The following CHODL variants were observed in gnomAD, a reference collection of about 807,000 sequenced individuals.
CHODL encodes transmembrane protein MT75.
A neutral mutation model predicts 34.5 loss-of-function variants in CHODL; 29 were observed. The ratio of observed to expected loss-of-function variants is 0.84; its 90% CI spans 0.63 to 1.15. The LOEUF (loss-of-function observed/expected upper bound fraction) is 1.15, where lower values mean the gene tolerates loss of function less well. Ranked by LOEUF, CHODL falls within the 50% of genes most tolerant of loss-of-function variation. The probability of loss-of-function intolerance (pLI) is 0.00; values close to 1 mark genes in which losing one functional copy is unlikely to be tolerated. For missense variants in CHODL, 332 were observed against 332.5 expected (o/e 1.00, Z 0.01); for synonymous variants, 125 against 116.1 (o/e 1.08, Z -0.49).
chr21:18,213,194 T>C (rs906880638), intron 2 of CHODL, among the ~76,000 whole-genome samples: 11 of 152,168 alleles, frequency 7.2e-5, no homozygotes, highest in African/African-American at 2.4e-4. Context: ...TAGTCAGCTT[T>C]ACTGGTTTAG....
rs955445752 is a variant in CHODL, at chr21:18,267,277, G to T, written c.*1239G>T. The T allele has an allele frequency of 3.9e-5, 6 of 152,084 alleles. No homozygotes were observed. The highest frequency in any genetic ancestry group is 1.4e-4 in the African/African-American group (6 of 41,408). The allele number at this position is 152,084 out of a possible 1,614,324, so 9.4% of individuals were successfully genotyped here. A position where few individuals can be genotyped will look rare whatever the true frequency, so the allele number is the denominator to read the frequency against. The stretch of plus-strand genomic sequence containing the variant: ...ATCTCCTAGTTTCTTCAATGCTTAC[G>T]CCTTGTTCTTCTCAAGAGAAAGTTG... On this transcript the variant is annotated 3_prime_UTR_variant, in exon 6 of 6. Transcript: ENST00000299295.
chr21:18,046,120 A>T (rs1182596129), intron 2 of CHODL, among the ~76,000 whole-genome samples: 1 of 151,996 alleles, frequency 6.6e-6, no homozygotes, highest in African/African-American at 2.4e-5. Flanking sequence ...AAAGGGGGTC[A>T]GTGTGAGTAA....
chr21:18,004,176 A>C (rs2063938008), intron 1 of CHODL, among the ~76,000 whole-genome samples: 1 of 152,162 alleles, frequency 6.6e-6, no homozygotes, highest in African/African-American at 2.4e-5. Flanking sequence ...AATGGGTAAA[A>C]ATTTTGTTTT....
intron 1 of CHODL, among the ~76,000 whole-genome samples, chr21:17,924,445 CA>C (rs1189413065): frequency 3.3e-5 from 5 of 152,200 alleles, no homozygotes; most frequent in Non-Finnish European, 7.3e-5. Flanking sequence ...TGTGAGATCA[CA>C]ACTGTGTCAC....
Position 18,025,294 on chromosome 21 carries a change from C to A in CHODL, c.-144-2578C>A, listed in dbSNP as rs189894873. ...CTAGCTTAACCTTATATATTAAACA[C>A]ATTAAACAATGTTAGTGGTATAAAA... On this transcript the variant is annotated intron_variant, in intron 1 of 6. Coordinates refer to the CHODL transcript ENST00000400127. 3.7e-3 allele frequency among the ~76,000 whole-genome samples: 564 copies of A among 152,284 alleles called. 3 individuals carry two copies. Among genetic ancestry groups the A allele is most frequent in the South Asian group, 0.018 (87 of 4,828 alleles).
intron 2 of CHODL, among the ~76,000 whole-genome samples, chr21:18,032,640 A>G (rs2064260912): frequency 6.6e-6 from 1 of 152,086 alleles, no homozygotes. Flanking sequence ...TACTGGAGCA[A>G]ATCAATGTAC....
intron 2 of CHODL, among the ~76,000 whole-genome samples, chr21:18,125,922 C>T (rs931089774): frequency 6.6e-5 from 10 of 152,156 alleles, no homozygotes; most frequent in African/African-American, 2.4e-4. Flanking sequence ...ATTTCCAATA[C>T]AGGTAAAATG....
chr21:18,213,820 G>A (rs2073796786), intron 2 of CHODL, among the ~76,000 whole-genome samples: 1 of 152,038 alleles, frequency 6.6e-6, no homozygotes, highest in African/African-American at 2.4e-5. Flanking sequence ...CCAGCAAATA[G>A]GAAATGAGTC....
intron 2 of CHODL, among the ~76,000 whole-genome samples, chr21:18,076,816 G>A (rs1162460881): frequency 6.6e-6 from 1 of 152,204 alleles, no homozygotes; most frequent in Non-Finnish European, 1.5e-5. Context: ...GATTCATGGG[G>A]CCAGGGCCAC....
At chr21:18,068,428 C>T (rs1201683824) in intron 2 of CHODL, among the ~76,000 whole-genome samples, 1 of 152,160 alleles carries the variant, frequency 6.6e-6, no homozygotes, top group Non-Finnish European at 1.5e-5. Flanking sequence ...AACTCCTGAT[C>T]TCAGGTGATC....
rs1025876092 is a variant in CHODL, at chr21:18,144,840, G to A, written c.-44-111669G>A. Among the ~76,000 whole-genome samples, 5 of 150,426 alleles carry A rather than the reference G, an allele frequency of 3.3e-5. No individual in the cohort carries two copies. The Admixed American group carries it at 3.3e-4, about 10-fold the overall frequency. On this transcript the variant is annotated intron_variant, in intron 2 of 6. Coordinates refer to the CHODL transcript ENST00000400127. Reference sequence around the variant, plus strand: ...AGTAAATACTGATAAATTCTATAAGGTAAACATGAAAAGCCTTAAAGAAAG... The same window carrying A: ...AGTAAATACTGATAAATTCTATAAGATAAACATGAAAAGCCTTAAAGAAAG...
At chr21:18,264,601 C>CAAAAAA (rs564344974) in intron 5 of CHODL, among the ~76,000 whole-genome samples, 1 of 68,832 alleles carries the variant, frequency 1.5e-5, no homozygotes, top group Non-Finnish European at 3.0e-5. Flanking sequence ...GGGTCTGTCT[C>CAAAAAA]AAAAAAAAAA....
chr21:18,097,197 A>G (rs567035535), intron 2 of CHODL, among the ~76,000 whole-genome samples: 18 of 152,190 alleles, frequency 1.2e-4, no homozygotes, highest in Non-Finnish European at 2.4e-4. Flanking sequence ...CTGTTATTTA[A>G]GACAGTACTG....
intron 2 of CHODL, among the ~76,000 whole-genome samples, chr21:18,217,809 C>T (rs1467977285): frequency 1.3e-5 from 2 of 152,162 alleles, no homozygotes; most frequent in African/African-American, 4.8e-5. Flanking sequence ...TGGGTAAATA[C>T]ACCCATTTAA....
intron 1 of CHODL, among the ~76,000 whole-genome samples, chr21:17,974,295 T>C (rs1281276558): frequency 6.6e-6 from 1 of 152,166 alleles, no homozygotes; most frequent in Non-Finnish European, 1.5e-5. Context: ...TATTTTGAGA[T>C]AGAGTCTCAC....
intron 2 of CHODL, among the ~76,000 whole-genome samples, chr21:18,076,990 C>T (rs1163896739): frequency 6.6e-6 from 1 of 152,184 alleles, no homozygotes; most frequent in Non-Finnish European, 1.5e-5. Context: ...TGTTTGGAAC[C>T]TTGGCGGCCT....
intron 2 of CHODL, among the ~76,000 whole-genome samples, chr21:18,222,204 G>A (rs1017141966): frequency 3.9e-5 from 6 of 152,250 alleles, no homozygotes; most frequent in African/African-American, 1.2e-4. Flanking sequence ...GTTCTCAGGA[G>A]AGCCTCCCTG....
chr21:18,112,749 T>G (rs2065366808), intron 2 of CHODL, among the ~76,000 whole-genome samples: 1 of 152,168 alleles, frequency 6.6e-6, no homozygotes, highest in African/African-American at 2.4e-5. Flanking sequence ...TCTCTCACCA[T>G]ATACAAAAAT....
At chr21:17,953,143 T>TA in intron 1 of CHODL, among the ~76,000 whole-genome samples, 1 of 152,202 alleles carries the variant, frequency 6.6e-6, no homozygotes, top group Non-Finnish European at 1.5e-5. Context: ...CATACTGAAG[T>TA]AAAATATTTG....
Sources: allele counts gnomAD v4.1 joint callset (sites outside exome capture counted in the v4.1 genomes callset), GRCh38; gene constraint gnomAD v4.1.1; transcripts MANE v1.5; gene names NCBI Gene and HGNC (gene_info 2026-07-23, HGNC 2026-07-21).